The following OSBP2 variants were observed in gnomAD, a reference collection of about 807,000 sequenced individuals.
OSBP2 encodes the protein oxysterol-binding protein 2.
A neutral mutation model predicts 96.0 loss-of-function variants in OSBP2; 66 were observed. That is an observed-to-expected ratio of 0.69 (90% CI 0.56 to 0.84). The LOEUF (loss-of-function observed/expected upper bound fraction) is 0.84, where lower values mean the gene tolerates loss of function less well. OSBP2 is among the 40% of genes least tolerant of loss of function. The pLI is 0.00. For synonymous variants in OSBP2, 525 were observed against 520.9 expected (o/e 1.01, Z -0.11); for missense variants, 1,038 against 1,222.7 (o/e 0.85, Z 2.25).
In OSBP2 at chr22:30,695,078, G is replaced by A. The variant is rs1172843457; in HGVS notation, c.169G>A (p.Val57Met). ...GPEPKPQPQP[V>M]PEPERGPLSE... ...GGAGCCCAAGCCCCAGCCCCAGCCC[G>A]TGCCCGAACCGGAGCGGGGACCGCT... The change falls in exon 1 of 14, where the codon GTG becomes ATG. Residue 57 changes from valine to methionine, a missense_variant. Transcript: ENST00000332585. 11 of 1,580,280 alleles carry A rather than the reference G, an allele frequency of 7.0e-6. No homozygotes were observed. The highest frequency in any genetic ancestry group is 9.5e-6 in the Non-Finnish European group (11 of 1,163,718).
intron 12 of OSBP2, chr22:30,902,125 CG>C (rs1569176137): frequency 0.1 from 23,794 of 231,168 alleles, 947 homozygotes; most frequent in African/African-American, 0.22. Flanking sequence ...AAAAAAAAAA[CG>C]AAAAAAAAAA....
intron 12 of OSBP2, among the ~76,000 whole-genome samples, chr22:30,896,423 TGAG>T (rs771326312): frequency 6.6e-6 from 1 of 152,152 alleles, no homozygotes; most frequent in African/African-American, 2.4e-5. Context: ...TGATGGAATT[TGAG>T]GAGAAGGGGA....
chr22:30,721,548 T>C (rs983780269), intron 1 of OSBP2, among the ~76,000 whole-genome samples: 1 of 152,204 alleles, frequency 6.6e-6, no homozygotes, highest in Non-Finnish European at 1.5e-5. Context: ...GGTCTTTGGT[T>C]CTGCAGGCTG....
chr22:30,903,806 T>G (rs1305661364), intron 12 of OSBP2, among the ~76,000 whole-genome samples: 2 of 152,224 alleles, frequency 1.3e-5, no homozygotes, highest in African/African-American at 2.4e-5. Flanking sequence ...GGCAACATAA[T>G]GAGATACTGT....
chr22:30,760,309 G>A (rs5749162), intron 2 of OSBP2, among the ~76,000 whole-genome samples: 38,569 of 151,918 alleles, frequency 0.25, 4,902 homozygotes, highest in East Asian at 0.3. Context: ...TATAAGGACA[G>A]CATACCCTGA....
rs56875088 is a variant in OSBP2, at chr22:30,856,373, C to CTTTTTTT, written c.854-14032_854-14026dup. Among the ~76,000 whole-genome samples, 186 of 101,398 alleles carry CTTTTTTT rather than the reference C, an allele frequency of 1.8e-3. 10 individuals are homozygous for CTTTTTTT. Among genetic ancestry groups the CTTTTTTT allele is most frequent in the African/African-American group, 5.6e-3 (157 of 27,860 alleles). 66.5% of individuals were successfully genotyped at this position (101,398 alleles called of 152,430 possible). ...CTTGGCAGTTGGAAACAGAGCCCTT[C>CTTTTTTT]TTTTTTTTTTTTTTTTTTTTTTTTT... On this transcript the variant is annotated intron_variant, in intron 2 of 13. Transcript: ENST00000332585.
In OSBP2 at chr22:30,855,746, C is replaced by T. The variant is rs2039066331; in HGVS notation, c.854-14683C>T. 2.0e-5 allele frequency among the ~76,000 whole-genome samples: 3 copies of T among 152,268 alleles called. No homozygotes were observed. In the South Asian group the frequency reaches 6.2e-4, roughly 32 times the overall value. ...AGAAAGTTCGCAGCCACAGGGTGAC[C>T]TATTTAAGAGGAGCCCCATCCAGGC... On this transcript the variant is annotated intron_variant, in intron 2 of 13. Transcript: ENST00000332585.
At chr22:30,728,760 G>A (rs963619099) in intron 1 of OSBP2, among the ~76,000 whole-genome samples, 1 of 152,178 alleles carries the variant, frequency 6.6e-6, no homozygotes, top group Non-Finnish European at 1.5e-5. Context: ...GTCTCCCAAA[G>A]TGTTGGGATT....
At chr22:30,744,816 A>G (rs1181748070) in intron 2 of OSBP2, among the ~76,000 whole-genome samples, 1 of 152,174 alleles carries the variant, frequency 6.6e-6, no homozygotes, top group Non-Finnish European at 1.5e-5. Flanking sequence ...GCTATAAACC[A>G]ACTAGACTTA....
chr22:30,833,578 C>T (rs2147010328), intron 2 of OSBP2, among the ~76,000 whole-genome samples: 1 of 152,292 alleles, frequency 6.6e-6, no homozygotes, highest in African/African-American at 2.4e-5. Context: ...GCAGAATTTG[C>T]CTTGTCACAC....
chr22:30,826,678 A>G (rs1602320589), intron 2 of OSBP2, among the ~76,000 whole-genome samples: 1 of 152,316 alleles, frequency 6.6e-6, no homozygotes, highest in East Asian at 1.9e-4. Context: ...TCCAGCACTC[A>G]GCACTTTTGT....
At chr22:30,891,583 G>T (rs575590905) in intron 8 of OSBP2, among the ~76,000 whole-genome samples, 2 of 152,332 alleles carry the variant, frequency 1.3e-5, no homozygotes, top group East Asian at 3.9e-4. Context: ...TGAAGAGGCT[G>T]CAGCTGCTGC....
At chr22:30,895,162 A>AGAT (rs1240669421) in intron 12 of OSBP2, among the ~76,000 whole-genome samples, 1 of 152,198 alleles carries the variant, frequency 6.6e-6, no homozygotes, top group East Asian at 1.9e-4. Flanking sequence ...AAGAGGATCA[A>AGAT]GATGCACATT....
rs138310516 is a variant in OSBP2, at chr22:30,864,384, A to G, written c.854-6045A>G. Among the ~76,000 whole-genome samples the G allele has an allele frequency of 1.4e-4, 21 of 152,320 alleles. No individual in the cohort carries two copies. The East Asian group carries it at 3.9e-3, about 28-fold the overall frequency. ...CACTGTACCATTGAAGTGACCCACAATGGGGCTCTGGCAGAGGAGGAAAGA... is the reference window on the plus strand; with the variant it reads ...CACTGTACCATTGAAGTGACCCACAGTGGGGCTCTGGCAGAGGAGGAAAGA... On this transcript the variant is annotated intron_variant, in intron 2 of 13. Transcript: ENST00000332585.
intron 2 of OSBP2, among the ~76,000 whole-genome samples, chr22:30,798,581 T>A (rs136276): frequency 1 from 152,400 of 152,402 alleles, 76,199 homozygotes; most frequent in Non-Finnish European, 1. Flanking sequence ...TCTTTGATCC[T>A]TTTGAGTTAA....
At chr22:30,874,828 C>T (rs911326379) in intron 3 of OSBP2, among the ~76,000 whole-genome samples, 24 of 152,318 alleles carry the variant, frequency 1.6e-4, no homozygotes, top group Admixed American at 7.8e-4. Context: ...TTCAGAACCC[C>T]GCAGGGACAT....
intron 2 of OSBP2, among the ~76,000 whole-genome samples, chr22:30,764,073 G>A (rs986336974): frequency 2.0e-5 from 3 of 152,222 alleles, no homozygotes; most frequent in Non-Finnish European, 4.4e-5. Context: ...GTAAGAAACC[G>A]ATACAGAGCT....
chr22:30,755,692 C>T (rs559676111), intron 2 of OSBP2, among the ~76,000 whole-genome samples: 2 of 152,296 alleles, frequency 1.3e-5, no homozygotes, highest in South Asian at 4.1e-4. Flanking sequence ...AATGTGAGAC[C>T]TCTGGGGAGA....
In OSBP2 at chr22:30,870,529, G is replaced by T. The variant is rs781196451; in HGVS notation, c.954G>T (p.Thr318=). The change falls in exon 3 of 14, where the codon ACG becomes ACT. Residue 318 remains threonine, a synonymous_variant. Coordinates refer to ENST00000332585, the MANE Select transcript of OSBP2 (RefSeq NM_030758.4). The surrounding 1 kb of genome is among the most constrained non-coding windows in gnomAD (Gnocchi z 4.1). ...CCCTGAAGTTAGATGACCTCAGCAC[G>T]TGCAATGACCTCATCGCCAAGCACG... ...NLSLKLDDLS[T]CNDLIAKHGA... is the part of the protein sequence containing the mutation. The T allele has an allele frequency of 3.1e-6, 5 of 1,613,904 alleles. No homozygotes were observed. In the African/African-American group the frequency reaches 6.7e-5, roughly 22 times the overall value.
Sources: allele counts gnomAD v4.1 joint callset (sites outside exome capture counted in the v4.1 genomes callset), GRCh38; gene constraint gnomAD v4.1.1; non-coding constraint Gnocchi (gnomAD v3.1); transcripts MANE v1.5; gene names NCBI Gene and HGNC (gene_info 2026-07-23, HGNC 2026-07-21).